The following PLD5 variants were observed in gnomAD, a reference collection of about 807,000 sequenced individuals.
PLD5 encodes the protein inactive phospholipase D5.
In PLD5, 36 loss-of-function variants were observed where a neutral mutation model predicts 61.1. The ratio of observed to expected loss-of-function variants is 0.59; its 90% CI spans 0.45 to 0.78. The LOEUF is 0.78. Among genes scored for constraint, PLD5 ranks in the 30% least tolerant of loss-of-function variants. PLD5 has a pLI of 0.00. For synonymous variants in PLD5, 243 were observed against 242.8 expected, an observed-to-expected ratio of 1.00 and a Z score of -0.01; for missense variants, 515 against 644.4, an observed-to-expected ratio of 0.80 and a Z score of 2.17.
In PLD5 at chr1:242,090,046, C is replaced by T; in HGVS notation, c.1419G>A (p.Gln473=). ...TGCTTCTGTTGTTCCTCACATCTGC[C>T]TGGTTGATAACAAGGCCCGTGCCAG... ...QNAGTGLVIN[Q]ADVRNNRSII... The change falls in exon 10 of 10, where the codon CAG becomes CAA. Residue 473 remains glutamine, a synonymous_variant. Coordinates refer to ENST00000536534, the MANE Select transcript of PLD5 (RefSeq NM_001372062.1). 6.2e-7 allele frequency: 1 copy of T among 1,614,176 alleles called. No individual in the cohort carries two copies. Among genetic ancestry groups the T allele is most frequent in the Non-Finnish European group, 8.5e-7 (1 of 1,180,028 alleles).
intron 1 of PLD5, among the ~76,000 whole-genome samples, chr1:242,421,417 G>T (rs531399305): frequency 1.3e-5 from 2 of 152,084 alleles, no homozygotes; most frequent in Non-Finnish European, 2.9e-5. Flanking sequence ...GCCTTCTTAG[G>T]GTAGAAAGCA....
intron 2 of PLD5, among the ~76,000 whole-genome samples, chr1:242,336,593 T>C (rs1659525918): frequency 6.6e-6 from 1 of 152,196 alleles, no homozygotes; most frequent in Non-Finnish European, 1.5e-5. Flanking sequence ...ACATGCACAA[T>C]ACAAATATCC....
At chr1:242,412,939 A>G (rs974711466) in intron 1 of PLD5, among the ~76,000 whole-genome samples, 5 of 152,064 alleles carry the variant, frequency 3.3e-5, no homozygotes, top group Admixed American at 2.6e-4. Flanking sequence ...CCACCAATGC[A>G]TGGGTGGTTT....
chr1:242,144,164 C>A (rs990169609), intron 5 of PLD5, among the ~76,000 whole-genome samples: 1 of 122,862 alleles, frequency 8.1e-6, no homozygotes, highest in Admixed American at 7.6e-5. Context: ...CCACCACACC[C>A]AGCCTCAAAT....
intron 1 of PLD5, among the ~76,000 whole-genome samples, chr1:242,500,459 A>G (rs2256387): frequency 0.08 from 12,126 of 152,250 alleles, 1,202 homozygotes; most frequent in African/African-American, 0.24. Flanking sequence ...TTGCTAGGAT[A>G]CGGAAAATAA....
intron 5 of PLD5, among the ~76,000 whole-genome samples, chr1:242,196,989 C>T (rs1164542289): frequency 1.3e-5 from 2 of 152,118 alleles, no homozygotes; most frequent in Non-Finnish European, 2.9e-5. Flanking sequence ...GACTCGAACT[C>T]CTGGGCTCAA....
At chr1:242,379,420 A>T (rs1200531955) in intron 1 of PLD5, among the ~76,000 whole-genome samples, 4 of 152,160 alleles carry the variant, frequency 2.6e-5, no homozygotes, top group African/African-American at 7.2e-5. Context: ...ATGTGTATAA[A>T]TTTGGGAATG....
chr1:242,098,697 C>T (rs975076356), intron 9 of PLD5, among the ~76,000 whole-genome samples: 13 of 152,142 alleles, frequency 8.5e-5, no homozygotes, highest in Non-Finnish European at 1.6e-4. Context: ...GTTTTATCTA[C>T]GTTTGGTCTT....
intron 1 of PLD5, among the ~76,000 whole-genome samples, chr1:242,391,955 A>G (rs920251535): frequency 2.0e-5 from 3 of 152,164 alleles, no homozygotes; most frequent in East Asian, 1.9e-4. Flanking sequence ...AGATACATAC[A>G]CTCATGTTCA....
intron 1 of PLD5, among the ~76,000 whole-genome samples, chr1:242,519,971 A>T (rs1377064825): frequency 1.3e-5 from 2 of 152,204 alleles, no homozygotes; most frequent in Non-Finnish European, 2.9e-5. Flanking sequence ...TGTATTGAGC[A>T]TTTAATACAG....
At chr1:242,092,964 C>T (rs1429926760) in intron 9 of PLD5, among the ~76,000 whole-genome samples, 2 of 152,152 alleles carry the variant, frequency 1.3e-5, no homozygotes, top group Non-Finnish European at 2.9e-5. Context: ...GGGACCTGCC[C>T]CCTTTTGCTT....
chr1:242,091,824 C>CTTT (rs11371948), intron 9 of PLD5, among the ~76,000 whole-genome samples: 1 of 144,602 alleles, frequency 6.9e-6, no homozygotes, highest in Non-Finnish European at 1.5e-5. Context: ...CTTTTCTTTT[C>CTTT]TTTTTTTCTT....
intron 1 of PLD5, among the ~76,000 whole-genome samples, chr1:242,470,376 AAG>A (rs1332922701): frequency 0.016 from 1,229 of 75,190 alleles, 24 homozygotes; most frequent in African/African-American, 0.065. Flanking sequence ...GAAAGAAAGA[AAG>A]AAAAAAAAGA....
chr1:242,464,917 G>A (rs946590781), intron 1 of PLD5, among the ~76,000 whole-genome samples: 18 of 152,184 alleles, frequency 1.2e-4, no homozygotes, highest in Non-Finnish European at 8.8e-5. Context: ...CATATTGTGT[G>A]ATTCCCTTTA....
chr1:242,260,184 T>C (rs1177845094), intron 4 of PLD5, among the ~76,000 whole-genome samples: 1 of 152,002 alleles, frequency 6.6e-6, no homozygotes, highest in East Asian at 1.9e-4. Flanking sequence ...CCATCTCTAC[T>C]AAAAATACAA....
Position 242,496,490 on chromosome 1 carries a change from C to T in PLD5, c.189+27598G>A, listed in dbSNP as rs902375513. ...CAAACATCACTTGATTATGTTCCCA[C>T]TGGCAGTTTTTTAAAAAGCATTTCT... On this transcript the variant is annotated intron_variant, in intron 1 of 9. Coordinates refer to ENST00000536534, the MANE Select transcript of PLD5 (RefSeq NM_001372062.1). Among the ~76,000 whole-genome samples, 3 of 152,234 alleles carry T rather than the reference C, an allele frequency of 2.0e-5. No homozygotes were observed. The East Asian group carries it at 5.8e-4, about 29-fold the overall frequency.
At chr1:242,286,350 G>A (rs1206871877) in intron 3 of PLD5, among the ~76,000 whole-genome samples, 1 of 152,094 alleles carries the variant, frequency 6.6e-6, no homozygotes, top group Non-Finnish European at 1.5e-5. Flanking sequence ...ATTTCAAGTG[G>A]AAAACACGGG....
intron 1 of PLD5, among the ~76,000 whole-genome samples, chr1:242,434,071 T>C (rs1665864360): frequency 6.6e-6 from 1 of 152,230 alleles, no homozygotes; most frequent in African/African-American, 2.4e-5. Flanking sequence ...CTACAAGATA[T>C]ACCTTTCAGA....
At chr1:242,223,864 A>C (rs1670765068) in intron 4 of PLD5, among the ~76,000 whole-genome samples, 1 of 151,370 alleles carries the variant, frequency 6.6e-6, no homozygotes, top group African/African-American at 2.5e-5. Context: ...AGAGAGAGAG[A>C]GAGAGAGAGA....
Sources: allele counts gnomAD v4.1 joint callset (sites outside exome capture counted in the v4.1 genomes callset), GRCh38; gene constraint gnomAD v4.1.1; transcripts MANE v1.5; gene names NCBI Gene and HGNC (gene_info 2026-07-23, HGNC 2026-07-21).